Variants in BANP observed in about 807,000 individuals in gnomAD.
BANP encodes the protein protein BANP.
BANP carries 11 observed loss-of-function variants against 68.1 expected under a neutral mutation model. The observed-to-expected ratio is 0.16, with a 90% CI of 0.10 to 0.27. BANP has a LOEUF of 0.27. Ranked by LOEUF, BANP falls within the 10% of genes least tolerant of loss-of-function variation. BANP has a pLI of 1.00. For missense variants in BANP, 504 were observed against 722.7 expected, an observed-to-expected ratio of 0.70 and a Z score of 3.47; for synonymous variants, 329 against 303.2, an observed-to-expected ratio of 1.09 and a Z score of -0.88.
Position 88,057,804 on chromosome 16 carries a change from T to C in BANP, c.1312-7463T>C, listed in dbSNP as rs1002508394. Among the ~76,000 whole-genome samples the C allele has an allele frequency of 6.6e-6, 1 of 151,446 alleles. No individual in the cohort carries two copies. Among genetic ancestry groups the C allele is most frequent in the Non-Finnish European group, 1.5e-5 (1 of 67,922 alleles). On this transcript the variant is annotated intron_variant, in intron 11 of 13. Transcript: ENST00000682872. The surrounding 1 kb of genome is among the most constrained non-coding windows in gnomAD (Gnocchi z 4.6). ...TCGCGCTGGCCCTGTCCCCGCACCC[T>C]GGACTCCAGGGCAAGTGGTGCTGGC... is the stretch of plus-strand genomic sequence containing the variant.
At chr16:88,075,570 C>T (rs1323165350) in intron 13 of BANP, among the ~76,000 whole-genome samples, 3 of 152,096 alleles carry the variant, frequency 2.0e-5, no homozygotes, top group Non-Finnish European at 4.4e-5. Flanking sequence ...CCCGTGGGCT[C>T]GGCCGTGGGC....
intron 7 of BANP, among the ~76,000 whole-genome samples, chr16:88,025,465 G>A (rs569535488): frequency 2.0e-5 from 3 of 152,288 alleles, no homozygotes; most frequent in South Asian, 4.1e-4. Flanking sequence ...GCCAAAGGGC[G>A]GCTGCTTCCT....
chr16:88,021,216 T>C (rs1171533131), intron 7 of BANP, among the ~76,000 whole-genome samples: 1 of 152,178 alleles, frequency 6.6e-6, no homozygotes, highest in Non-Finnish European at 1.5e-5. Context: ...CTGCTGAACC[T>C]CATGGCTTGG....
intron 11 of BANP, among the ~76,000 whole-genome samples, chr16:88,058,886 A>C (rs1335887029): frequency 6.6e-6 from 1 of 152,078 alleles, no homozygotes; most frequent in African/African-American, 2.4e-5. Context: ...TGACTCCCAA[A>C]GTGAGATCAA....
chr16:87,965,267 T>C (rs1369651682), intron 1 of BANP, among the ~76,000 whole-genome samples: 1 of 151,912 alleles, frequency 6.6e-6, no homozygotes, highest in Non-Finnish European at 1.5e-5. Context: ...GGAGCAGTTT[T>C]GGGGGAGTAA....
At chr16:88,076,567 T>TG in intron 13 of BANP, 23 bp from the exon 14 acceptor site, 1 of 1,607,438 alleles carries the variant, frequency 6.2e-7, no homozygotes, top group Non-Finnish European at 8.5e-7. Context: ...TTCTAGAAAG[T>TG]CCCTCCTTTC....
chr16:88,071,387 C>G lies in BANP; in HGVS notation c.1378-682C>G, dbSNP rs969045923. ...AGTGGGAAGTGGGCCTGGGTGCTTACAGGCGATGGGGTCACCAGAGCCCAC... is the reference window on the plus strand; with the variant it reads ...AGTGGGAAGTGGGCCTGGGTGCTTAGAGGCGATGGGGTCACCAGAGCCCAC... On this transcript the variant is annotated intron_variant, in intron 12 of 13. Transcript: ENST00000682872. The surrounding 1 kb of genome is among the most constrained non-coding windows in gnomAD (Gnocchi z 6.5). 9 of 426,190 alleles carry G rather than the reference C, an allele frequency of 2.1e-5. No homozygotes were observed. Among genetic ancestry groups the G allele is most frequent in the African/African-American group, 1.8e-4 (9 of 49,096 alleles). The allele number at this position is 426,190 out of a possible 1,614,324, so 26.4% of individuals were successfully genotyped here. A position where few individuals can be genotyped will look rare whatever the true frequency, so the allele number is the denominator to read the frequency against.
intron 4 of BANP, among the ~76,000 whole-genome samples, chr16:87,986,455 G>T (rs2064447068): frequency 6.6e-6 from 1 of 152,206 alleles, no homozygotes; most frequent in African/African-American, 2.4e-5. Flanking sequence ...GCCTTGCTTG[G>T]ATTCCATCTG....
Position 88,004,051 on chromosome 16 carries a change from C to T in BANP, c.363-244C>T, listed in dbSNP as rs1598347807. On this transcript the variant is annotated intron_variant, in intron 4 of 13. Transcript: ENST00000682872. This position sits in a 1 kb window ranked among gnomAD's most constrained non-coding sequence, Gnocchi z 7.0. ...GCTATCCAGTTGTGCAGACAGATCA[C>T]CAACAATTAGGAAAAGTTACGTTCT... 5 of 459,644 alleles carry T rather than the reference C, an allele frequency of 1.1e-5. No homozygotes were observed. The highest frequency in any genetic ancestry group is 1.0e-4 in the South Asian group (5 of 47,730). 28.5% of individuals were successfully genotyped at this position (459,644 alleles called of 1,614,324 possible).
At chr16:87,983,348 C>T (rs1420727670) in intron 3 of BANP, among the ~76,000 whole-genome samples, 1 of 152,178 alleles carries the variant, frequency 6.6e-6, no homozygotes, top group African/African-American at 2.4e-5. Context: ...TAACACGTTT[C>T]CACGTGTGCT....
chr16:88,047,609 G>A (rs2082317361), intron 11 of BANP, among the ~76,000 whole-genome samples: 1 of 152,156 alleles, frequency 6.6e-6, no homozygotes, highest in African/African-American at 2.4e-5. Flanking sequence ...ATGTCCAGAA[G>A]GGCAGTAATT....
chr16:88,014,165 A>G (rs2073927329), intron 6 of BANP, among the ~76,000 whole-genome samples: 1 of 152,188 alleles, frequency 6.6e-6, no homozygotes, highest in South Asian at 2.1e-4. Context: ...GGACGAGGCC[A>G]CTGGTTGTGG....
At chr16:88,032,005 T>A (rs1465473744) in intron 8 of BANP, among the ~76,000 whole-genome samples, 1 of 152,060 alleles carries the variant, frequency 6.6e-6, no homozygotes, top group African/African-American at 2.4e-5. Flanking sequence ...GGGTTCACCA[T>A]GTTGGTCAGG....
At chr16:88,028,598 G>T (rs965177858) in intron 8 of BANP, among the ~76,000 whole-genome samples, 1 of 152,202 alleles carries the variant, frequency 6.6e-6, no homozygotes, top group African/African-American at 2.4e-5. Context: ...TGTTGAAGAA[G>T]CTCTTCTATT....
intron 13 of BANP, among the ~76,000 whole-genome samples, chr16:88,075,926 T>C (rs2091513126): frequency 6.7e-6 from 1 of 149,360 alleles, no homozygotes; most frequent in African/African-American, 2.5e-5. Flanking sequence ...TTGTATTTAT[T>C]GTAGAGACGA....
chr16:87,965,797 C>G (rs761938926), intron 1 of BANP, among the ~76,000 whole-genome samples: 1 of 152,166 alleles, frequency 6.6e-6, no homozygotes, highest in Non-Finnish European at 1.5e-5. Flanking sequence ...GTTGGCCTTG[C>G]CTGTAGACAC....
chr16:88,053,753 CCAT>C (rs1323901303), intron 11 of BANP, among the ~76,000 whole-genome samples: 12 of 149,446 alleles, frequency 8.0e-5, no homozygotes, highest in Admixed American at 3.3e-4. Flanking sequence ...ACTGTCATCT[CCAT>C]CATCATCACC....
At chr16:87,992,328 A>G (rs563111043) in intron 4 of BANP, among the ~76,000 whole-genome samples, 139 of 152,036 alleles carry the variant, frequency 9.1e-4, no homozygotes, top group African/African-American at 3.2e-3. Context: ...TTTTTTTGCC[A>G]TGTCTTTTTG....
intron 2 of BANP, among the ~76,000 whole-genome samples, chr16:87,980,116 A>G (rs1285127215): frequency 6.6e-6 from 1 of 152,220 alleles, no homozygotes; most frequent in Non-Finnish European, 1.5e-5. Flanking sequence ...GTAGGAGTGC[A>G]CTAGACAGTT....
Sources: gnomAD v4.1 joint callset for allele counts (sites outside exome capture counted in the v4.1 genomes callset) on GRCh38, gnomAD v4.1.1 for gene constraint, Gnocchi (gnomAD v3.1) non-coding constraint, MANE v1.5 for transcripts, NCBI Gene and HGNC (gene_info 2026-07-23, HGNC 2026-07-21) for gene names.